Variants in FBXW11 observed in about 807,000 individuals in gnomAD.
FBXW11 encodes F-box and WD repeat domain containing 11.
Under a neutral mutation model 77.6 loss-of-function variants are expected in FBXW11, and 19 were observed. That is an observed-to-expected ratio of 0.24 (90% CI 0.17 to 0.36). FBXW11 has a LOEUF of 0.36. FBXW11 is among the 10% of genes least tolerant of loss of function. The pLI is 1.00. For missense variants in FBXW11, 334 were observed against 704.2 expected (o/e 0.47, Z 5.95); for synonymous variants, 235 against 249.4 (o/e 0.94, Z 0.54).
At chr5:172,004,212 C>A (rs1022818467) in intron 1 of FBXW11, among the ~76,000 whole-genome samples, 1 of 152,192 alleles carries the variant, frequency 6.6e-6, no homozygotes, top group Non-Finnish European at 1.5e-5. Context: ...AGCACCTGTG[C>A]TACTTTACTA....
intron 1 of FBXW11, among the ~76,000 whole-genome samples, chr5:171,994,997 C>A (rs911181495): frequency 6.6e-6 from 1 of 152,090 alleles, no homozygotes; most frequent in Non-Finnish European, 1.5e-5. Flanking sequence ...ACAATCTCAC[C>A]AGAGGAGAAA....
chr5:171,899,802 C>T (rs1361994120), intron 5 of FBXW11, 112 bp downstream of exon 5: 2 of 954,138 alleles, frequency 2.1e-6, no homozygotes, highest in Admixed American at 2.6e-5. Context: ...CATTTTCCCC[C>T]CTTTTTAAAA....
chr5:171,922,906 C>CGT (rs140856911), intron 2 of FBXW11, among the ~76,000 whole-genome samples: 263 of 150,494 alleles, frequency 1.7e-3, no homozygotes, highest in South Asian at 0.012. Context: ...CGTGTGTGTG[C>CGT]GTGTGTGTGT....
intron 2 of FBXW11, among the ~76,000 whole-genome samples, chr5:171,949,984 A>C (rs1279991358): frequency 6.6e-6 from 1 of 152,202 alleles, no homozygotes; most frequent in Non-Finnish European, 1.5e-5. Context: ...ACAAAGACTT[A>C]ATTACAATGA....
chr5:171,950,382 T>A (rs1237389929), intron 2 of FBXW11, among the ~76,000 whole-genome samples: 1 of 151,554 alleles, frequency 6.6e-6, no homozygotes, highest in East Asian at 1.9e-4. Context: ...AACTTTTCTA[T>A]ATACACTTTA....
intron 2 of FBXW11, among the ~76,000 whole-genome samples, chr5:171,917,768 G>C (rs1581199324): frequency 8.2e-6 from 1 of 121,892 alleles, no homozygotes; most frequent in African/African-American, 5.0e-5. Context: ...GACTCACTCT[G>C]TGTGTGTGTG....
At chr5:171,952,921 T>C (rs1763423101) in intron 2 of FBXW11, among the ~76,000 whole-genome samples, 1 of 152,064 alleles carries the variant, frequency 6.6e-6, no homozygotes, top group Non-Finnish European at 1.5e-5. Flanking sequence ...ATTTTATGTG[T>C]AGTCCAAGAC....
chr5:171,962,971 A>C (rs1055580981), intron 1 of FBXW11, among the ~76,000 whole-genome samples: 2 of 152,074 alleles, frequency 1.3e-5, no homozygotes, highest in South Asian at 4.1e-4. Context: ...CCCCACCACC[A>C]ATCTTTTTAT....
At chr5:171,967,903 C>T (rs1377778743) in intron 1 of FBXW11, among the ~76,000 whole-genome samples, 16 of 150,162 alleles carry the variant, frequency 1.1e-4, no homozygotes, top group African/African-American at 4.0e-4. Context: ...CACACACACA[C>T]ACACACACAC....
In FBXW11 at chr5:171,912,370, C is replaced by T. The variant is rs144806415; in HGVS notation, c.211-1573G>A. 9.3e-3 allele frequency among the ~76,000 whole-genome samples: 1,422 copies of T among 152,186 alleles called. 26 individuals are homozygous for T. Among genetic ancestry groups the T allele is most frequent in the African/African-American group, 0.033 (1,353 of 41,534 alleles). ...CAAGGATTTTGAAATTTTGCTTTTA[C>T]TAAGACATTTGAGTCTTAACAGATC... On this transcript the variant is annotated intron_variant, in intron 3 of 13. Transcript: ENST00000517395.
chr5:172,005,624 C>T (rs576924183), intron 1 of FBXW11, among the ~76,000 whole-genome samples: 4 of 151,992 alleles, frequency 2.6e-5, no homozygotes, highest in Non-Finnish European at 5.9e-5. Flanking sequence ...AGAGTGGTCG[C>T]TTCCCCCGGG....
intron 13 of FBXW11, among the ~76,000 whole-genome samples, chr5:171,864,629 T>C (rs945466168): frequency 6.6e-6 from 1 of 152,182 alleles, no homozygotes. Context: ...AATCAGAAAT[T>C]ACTTCCTTTT....
In FBXW11 at chr5:171,906,546, G is replaced by A. The variant is rs538218020; in HGVS notation, c.436+4026C>T. On this transcript the variant is annotated intron_variant, in intron 4 of 13. Coordinates refer to ENST00000517395, the MANE Select transcript of FBXW11 (RefSeq NM_001378974.1). Reference sequence around the variant, plus strand: ...CTACCAATAAATCTTACTACCTCTGGAGAAGCAGGTGTTTCCTGCCTCTCT... The same window carrying A: ...CTACCAATAAATCTTACTACCTCTGAAGAAGCAGGTGTTTCCTGCCTCTCT... 2.0e-5 allele frequency among the ~76,000 whole-genome samples: 3 copies of A among 152,254 alleles called. No homozygotes were observed. In the East Asian group the frequency reaches 5.8e-4, roughly 29 times the overall value.
intron 2 of FBXW11, among the ~76,000 whole-genome samples, chr5:171,920,062 C>G (rs1283413041): frequency 1.3e-5 from 2 of 152,110 alleles, no homozygotes; most frequent in Admixed American, 6.5e-5. Context: ...ACTTGGGAGG[C>G]TGAGGCAGAA....
At position 171,918,229 on chromosome 5, in the gene FBXW11, C is replaced by G. The variant is rs906981760; in HGVS notation, c.148-3824G>C. 2.0e-5 allele frequency among the ~76,000 whole-genome samples: 3 copies of G among 152,080 alleles called. No homozygotes were observed. The East Asian group carries it at 5.8e-4, about 29-fold the overall frequency. ...TCTAAAATCTGTACATTTCCAAAAT[C>G]AGAAACACTTTTGGTCCCAAGCAGA... On this transcript the variant is annotated intron_variant, in intron 2 of 13. Coordinates refer to ENST00000517395, the MANE Select transcript of FBXW11 (RefSeq NM_001378974.1).
At chr5:171,901,783 T>G (rs1029964832) in intron 4 of FBXW11, among the ~76,000 whole-genome samples, 2 of 152,192 alleles carry the variant, frequency 1.3e-5, no homozygotes, top group South Asian at 4.1e-4. Context: ...GGCAGCTTTG[T>G]GCGGTTTATA....
chr5:171,984,668 G>A (rs1054732421), intron 1 of FBXW11, among the ~76,000 whole-genome samples: 2 of 152,106 alleles, frequency 1.3e-5, no homozygotes, highest in Admixed American at 6.6e-5. Flanking sequence ...TTCTAGTAGC[G>A]ATTGTAGGAA....
chr5:171,991,332 CA>C (rs1451368541), intron 1 of FBXW11, among the ~76,000 whole-genome samples: 1 of 152,060 alleles, frequency 6.6e-6, no homozygotes, highest in Non-Finnish European at 1.5e-5. Context: ...AAATATGCCT[CA>C]AAAATCCCTT....
intron 1 of FBXW11, among the ~76,000 whole-genome samples, chr5:171,961,376 T>C (rs1345741917): frequency 6.6e-6 from 1 of 152,220 alleles, no homozygotes; most frequent in Non-Finnish European, 1.5e-5. Flanking sequence ...AACTGCTTAC[T>C]TTCACACTCA....
Sources: allele counts gnomAD v4.1 joint callset (sites outside exome capture counted in the v4.1 genomes callset), GRCh38; gene constraint gnomAD v4.1.1; transcripts MANE v1.5; gene names NCBI Gene and HGNC (gene_info 2026-07-23, HGNC 2026-07-21).